ADCY7: variants seen among roughly 807,000 people sequenced by gnomAD.
ADCY7 encodes the protein adenylate cyclase 7.
A neutral mutation model predicts 120.6 loss-of-function variants in ADCY7; 72 were observed. The ratio of observed to expected loss-of-function variants is 0.60; its 90% CI spans 0.49 to 0.73. The LOEUF (loss-of-function observed/expected upper bound fraction) is 0.73, where lower values mean the gene tolerates loss of function less well. ADCY7 is among the 30% of genes least tolerant of loss of function. The probability of loss-of-function intolerance (pLI) is 0.00; values close to 1 mark genes in which losing one functional copy is unlikely to be tolerated. For synonymous variants in ADCY7, 661 were observed against 628.0 expected (o/e 1.05, Z -0.78); for missense variants, 1,227 against 1,486.0 (o/e 0.83, Z 2.87).
intron 16 of ADCY7, 77 bp from the exon 17 acceptor site, chr16:50,308,590 C>G (rs1387825833): frequency 1.9e-6 from 3 of 1,560,098 alleles, no homozygotes; most frequent in Non-Finnish European, 2.6e-6. Context: ...CGAGGATACC[C>G]CTCCCCAGGC....
chr16:50,310,663 C>G, intron 18 of ADCY7, 24 bp from the exon 19 acceptor site: 2 of 1,611,240 alleles, frequency 1.2e-6, no homozygotes, highest in South Asian at 1.1e-5. Context: ...TGGCCCTGTC[C>G]TGAGTGACAC....
At chr16:50,314,883 G>A in intron 24 of ADCY7, 131 bp from the exon 25 acceptor site, 1 of 1,313,686 alleles carries the variant, frequency 7.6e-7, no homozygotes, top group Non-Finnish European at 1.0e-6. Context: ...ACTCTGGGAA[G>A]CAACCCAGCC....
intron 7 of ADCY7, 130 bp downstream of exon 7, chr16:50,294,881 A>T (rs2035243493): frequency 1.1e-5 from 7 of 628,452 alleles, no homozygotes; most frequent in Non-Finnish European, 2.0e-5. Context: ...GCATCCAGCC[A>T]GCAAACACAA....
rs1163428342 is a variant in ADCY7 at position 50,290,445 on chromosome 16, T to C, written c.172-12T>C. On this transcript the variant is annotated splice_polypyrimidine_tract_variant and intron_variant, in intron 2 of 25. Coordinates refer to ENST00000673801, the MANE Select transcript of ADCY7 (RefSeq NM_001114.5). ...GAAAGCCGAGGCATTCCTGTCTGTT[T>C]GCTCCACCCAGGACCCCTCCAGACA... The C allele has an allele frequency of 2.1e-5, 34 of 1,613,876 alleles. No individual in the cohort carries two copies. In the South Asian group the frequency reaches 3.3e-4, roughly 16 times the overall value.
At chr16:50,304,884 TTC>T in intron 11 of ADCY7, 39 bp from the exon 12 acceptor site, 1 of 1,613,206 alleles carries the variant, frequency 6.2e-7, no homozygotes, top group Non-Finnish European at 8.5e-7. Flanking sequence ...GGGCCCAGTG[TTC>T]TGGGGAATGA....
Position 50,294,622 on chromosome 16 carries a change from A to AGCC in ADCY7, c.837-18_837-17insGCC. ...GAGCCTGGCTCTGACACTCCCTCCCACCCTGCCCCATCCCCAGCATCCTCT... is the reference window on the plus strand; with the variant it reads ...GAGCCTGGCTCTGACACTCCCTCCCAGCCCCCTGCCCCATCCCCAGCATCCTCT... On this transcript the variant is annotated splice_polypyrimidine_tract_variant and intron_variant, in intron 6 of 25. Transcript: ENST00000673801. 1.3e-6 allele frequency: 1 copy of AGCC among 793,402 alleles called. No homozygotes were observed. The highest frequency in any genetic ancestry group is 2.2e-6 in the Non-Finnish European group (1 of 459,496). The allele number at this position is 793,402 out of a possible 1,614,324, so 49.1% of individuals were successfully genotyped here. A position where few individuals can be genotyped will look rare whatever the true frequency, so the allele number is the denominator to read the frequency against.
Position 50,300,794 on chromosome 16 carries a change from G to T in ADCY7, c.1156G>T (p.Gly386Trp). The T allele has an allele frequency of 6.4e-7, 1 of 1,554,910 alleles. No homozygotes were observed. Residue 386 changes from glycine to tryptophan, a missense_variant, in exon 9 of 26, where the codon GGG becomes TGG. This residue lies in a region of ADCY7 where 332 missense variants were observed against 455.8 expected (regional missense o/e 0.73). Coordinates refer to ENST00000673801, the MANE Select transcript of ADCY7 (RefSeq NM_001114.5). The stretch of plus-strand genomic sequence containing the variant: ...GGGGAATGTGCTGTGCGGGGTCATC[G>T]GGCTGCGCAAGTGGCAGTATGACGT... Reference protein sequence around the residue: ...HSGNVLCGVIGLRKWQYDVWS... With the variant: ...HSGNVLCGVIWLRKWQYDVWS...
At chr16:50,292,603 C>T (rs751392766) in intron 4 of ADCY7, 73 bp from the exon 5 acceptor site, 15 of 1,547,554 alleles carry the variant, frequency 9.7e-6, no homozygotes, top group South Asian at 2.4e-5. Context: ...ATCACTAGTC[C>T]GCCTAGGGGT....
intron 1 of ADCY7, among the ~76,000 whole-genome samples, chr16:50,279,283 TCCTGGGCAGGACGAGAAC>T (rs2034106523): frequency 6.6e-6 from 1 of 152,230 alleles, no homozygotes; most frequent in Non-Finnish European, 1.5e-5. Flanking sequence ...CACCCTCTTG[TCCTGGGCAGGACGAGAAC>T]CACGTGAGGT....
rs752771598 is a variant in ADCY7, at chr16:50,308,391, T to A, written c.1915T>A (p.Cys639Ser). Residue 639 changes from cysteine (C) to serine (S), a missense_variant, in exon 16 of 26, where the codon TGC becomes AGC. Cys to Ser is a moderately radical substitution (Grantham distance 112, BLOSUM62 -1). Coordinates refer to ENST00000673801, the MANE Select transcript of ADCY7 (RefSeq NM_001114.5). ...TGTACTGGGGCTGGTGCTGGGCCTG[T>A]GCTTTGCCACCAAGTTCTCGGTAAG... ...ACVLGLVLGL[C>S]FATKFSRCCP... The A allele has an allele frequency of 1.2e-6, 2 of 1,614,078 alleles. No individual in the cohort carries two copies. Among genetic ancestry groups the A allele is most frequent in the Non-Finnish European group, 1.7e-6 (2 of 1,180,004 alleles).
intron 1 of ADCY7, among the ~76,000 whole-genome samples, chr16:50,273,647 C>T (rs1375071491): frequency 2.0e-5 from 3 of 152,184 alleles, no homozygotes; most frequent in Admixed American, 6.5e-5. Flanking sequence ...CTAGAATAGG[C>T]CATGGAGCGA....
intron 1 of ADCY7, among the ~76,000 whole-genome samples, chr16:50,259,804 C>T (rs1369693615): frequency 6.6e-6 from 1 of 152,180 alleles, no homozygotes; most frequent in African/African-American, 2.4e-5. Context: ...CTTAGGACCA[C>T]CACTGATTAG....
Position 50,315,533 on chromosome 16 carries a change from G to C in ADCY7, c.*28G>C. ...GCTCCTGCTGGATTCCGAAAAGGCC[G>C]GGAAGCCAGTCTCCTTCCCTGAAGC... is the stretch of plus-strand genomic sequence containing the variant. On this transcript the variant is annotated 3_prime_UTR_variant, in exon 26 of 26. Coordinates refer to ENST00000673801, the MANE Select transcript of ADCY7 (RefSeq NM_001114.5). 6.3e-7 allele frequency: 1 copy of C among 1,595,524 alleles called. No individual in the cohort carries two copies. Among genetic ancestry groups the C allele is most frequent in the Non-Finnish European group, 8.6e-7 (1 of 1,164,588 alleles).
intron 1 of ADCY7, among the ~76,000 whole-genome samples, chr16:50,271,141 G>T (rs2033545178): frequency 6.6e-6 from 1 of 152,238 alleles, no homozygotes; most frequent in Non-Finnish European, 1.5e-5. Context: ...CAGTGTTGGG[G>T]TGGAGAAGGG....
intron 18 of ADCY7, among the ~76,000 whole-genome samples, chr16:50,310,225 GGGGAGAACT>G (rs1451586726): frequency 6.6e-6 from 1 of 152,156 alleles, no homozygotes; most frequent in Non-Finnish European, 1.5e-5. Context: ...GAGAGGGAGT[GGGGAGAACT>G]GGGAGATGGA....
intron 22 of ADCY7, 44 bp downstream of exon 22, chr16:50,313,080 C>G: frequency 1.9e-6 from 3 of 1,609,582 alleles, no homozygotes; most frequent in South Asian, 2.2e-5. Flanking sequence ...CCCACCCATG[C>G]TGGAGAGGGA....
intron 1 of ADCY7, among the ~76,000 whole-genome samples, chr16:50,269,081 G>C (rs960676497): frequency 3.3e-5 from 5 of 152,166 alleles, no homozygotes; most frequent in Admixed American, 3.3e-4. Flanking sequence ...AGTCCGACTC[G>C]ATGGTTGCAC....
At chr16:50,265,984 G>A (rs1197626345), upstream of ADCY7, among the ~76,000 whole-genome samples, 1 of 152,198 alleles carries the variant, frequency 6.6e-6, no homozygotes, top group African/African-American at 2.4e-5. Flanking sequence ...GGCTCTCCAG[G>A]GACTCTGATT....
intron 1 of ADCY7, among the ~76,000 whole-genome samples, chr16:50,287,469 C>T (rs1276735545): frequency 2.0e-5 from 3 of 151,664 alleles, no homozygotes; most frequent in Non-Finnish European, 4.4e-5. Flanking sequence ...AGGAGGATTG[C>T]TTGAGCCCAC....
Sources: allele counts gnomAD v4.1 joint callset (sites outside exome capture counted in the v4.1 genomes callset), GRCh38; gene constraint gnomAD v4.1.1; regional missense constraint gnomAD v4.1.1; transcripts MANE v1.5; gene names NCBI Gene and HGNC (gene_info 2026-07-23, HGNC 2026-07-21).